Variants in BRINP1 observed in about 807,000 individuals in gnomAD.
BRINP1 encodes the protein BMP/retinoic acid inducible neural specific 1.
Under a neutral mutation model 72.9 loss-of-function variants are expected in BRINP1, and 17 were observed. That is an observed-to-expected ratio of 0.23 (90% confidence interval 0.16 to 0.35). BRINP1 has a LOEUF of 0.35. Among genes scored for constraint, BRINP1 ranks in the 10% least tolerant of loss-of-function variants. The pLI is 1.00. For missense variants in BRINP1, 850 were observed against 1,001.6 expected, an observed-to-expected ratio of 0.85 and a Z score of 2.04; for synonymous variants, 418 against 378.5, an observed-to-expected ratio of 1.10 and a Z score of -1.21.
At chr9:119,211,523 C>T (rs1476236104) in intron 6 of BRINP1, among the ~76,000 whole-genome samples, 1 of 151,974 alleles carries the variant, frequency 6.6e-6, no homozygotes, top group Non-Finnish European at 1.5e-5. Flanking sequence ...AGTAGAAGTA[C>T]TACAACGAAT....
rs557265377 is a variant in BRINP1, at chr9:119,229,618, G to T, written c.685+9037C>A. On this transcript the variant is annotated intron_variant, in intron 5 of 7. Coordinates refer to ENST00000265922, the MANE Select transcript of BRINP1 (RefSeq NM_014618.3). Reference sequence around the variant, plus strand: ...CTTCTCAGAAGAGGTGGCATTTGGAGAATTCAATGGTATGACCCTTCCTGG... The same window carrying T: ...CTTCTCAGAAGAGGTGGCATTTGGATAATTCAATGGTATGACCCTTCCTGG... 4.6e-5 allele frequency among the ~76,000 whole-genome samples: 7 copies of T among 152,228 alleles called. 1 individual carries two copies. The highest frequency in any genetic ancestry group is 4.1e-4 in the South Asian group (2 of 4,832).
chr9:119,355,524 T>G (rs140844785), intron 1 of BRINP1, among the ~76,000 whole-genome samples: 1 of 151,942 alleles, frequency 6.6e-6, no homozygotes, highest in Non-Finnish European at 1.5e-5. Context: ...GTCAGGAGAT[T>G]GAGACCATCC....
chr9:119,251,779 C>A (rs1830391581), intron 2 of BRINP1, among the ~76,000 whole-genome samples: 1 of 152,130 alleles, frequency 6.6e-6, no homozygotes, highest in African/African-American at 2.4e-5. Flanking sequence ...AAGACCTTGA[C>A]AGCCAGCTGA....
At chr9:119,178,086 T>C (rs1342892225) in intron 7 of BRINP1, among the ~76,000 whole-genome samples, 1 of 152,044 alleles carries the variant, frequency 6.6e-6, no homozygotes, top group Non-Finnish European at 1.5e-5. Flanking sequence ...ACACAGGCTA[T>C]GGAGGAGACC....
chr9:119,213,893 C>T (rs371579502), intron 6 of BRINP1, 26 bp downstream of exon 6: 116 of 1,566,240 alleles, frequency 7.4e-5, no homozygotes, highest in Non-Finnish European at 9.8e-5. Context: ...GCCACTCATG[C>T]AGTGGCACTG....
intron 7 of BRINP1, among the ~76,000 whole-genome samples, chr9:119,181,508 C>T (rs1375098830): frequency 2.0e-5 from 3 of 152,164 alleles, no homozygotes; most frequent in African/African-American, 7.2e-5. Context: ...CTACTTTTCA[C>T]TTTGTCTTAA....
intron 1 of BRINP1, among the ~76,000 whole-genome samples, chr9:119,328,562 G>T (rs1226970269): frequency 6.6e-6 from 1 of 152,160 alleles, no homozygotes; most frequent in Non-Finnish European, 1.5e-5. Flanking sequence ...TGAGAGAGTG[G>T]AATGGAGTCT....
intron 7 of BRINP1, among the ~76,000 whole-genome samples, chr9:119,205,596 C>T (rs1255487351): frequency 3.9e-5 from 6 of 152,170 alleles, no homozygotes; most frequent in African/African-American, 1.4e-4. Context: ...TGACTTTTCC[C>T]AGTGTTACTC....
chr9:119,340,448 G>A (rs948239541), intron 1 of BRINP1, among the ~76,000 whole-genome samples: 1 of 151,972 alleles, frequency 6.6e-6, no homozygotes, highest in Non-Finnish European at 1.5e-5. Context: ...GTGTGACAGT[G>A]AGTCCCACCC....
At chr9:119,260,305 G>A (rs550356563) in intron 2 of BRINP1, among the ~76,000 whole-genome samples, 2 of 152,310 alleles carry the variant, frequency 1.3e-5, no homozygotes, top group African/African-American at 2.4e-5. Context: ...TTTATGTGCT[G>A]TATATTCTGT....
At chr9:119,185,617 G>A (rs1333072214) in intron 7 of BRINP1, among the ~76,000 whole-genome samples, 1 of 152,190 alleles carries the variant, frequency 6.6e-6, no homozygotes, top group Non-Finnish European at 1.5e-5. Flanking sequence ...AGGGGGTGGT[G>A]AAAACCCTGT....
At chr9:119,334,901 C>T (rs1379532699) in intron 1 of BRINP1, among the ~76,000 whole-genome samples, 2 of 152,052 alleles carry the variant, frequency 1.3e-5, no homozygotes, top group Non-Finnish European at 2.9e-5. Context: ...TTTGATTTGT[C>T]TAAGCCTTAG....
At chr9:119,174,574 C>A (rs1417170587) in intron 7 of BRINP1, among the ~76,000 whole-genome samples, 1 of 134,328 alleles carries the variant, frequency 7.4e-6, no homozygotes, top group African/African-American at 3.4e-5. Context: ...CCTCAGGGAT[C>A]TAGAACTAGA....
intron 5 of BRINP1, among the ~76,000 whole-genome samples, chr9:119,232,237 C>G (rs1259306254): frequency 2.0e-5 from 3 of 152,138 alleles, no homozygotes; most frequent in Non-Finnish European, 2.9e-5. Context: ...TCCATAAATT[C>G]AGTCACCTCT....
intron 7 of BRINP1, among the ~76,000 whole-genome samples, chr9:119,206,419 CA>C (rs56106482): frequency 0.016 from 1,397 of 86,960 alleles, 8 homozygotes; most frequent in African/African-American, 0.043. Flanking sequence ...GACTCCATCT[CA>C]AAAAAAAAAA....
chr9:119,347,532 G>C (rs999577290), intron 1 of BRINP1, among the ~76,000 whole-genome samples: 3 of 151,922 alleles, frequency 2.0e-5, no homozygotes, highest in African/African-American at 7.3e-5. Context: ...TATTATTATT[G>C]AAATCAATCA....
At chr9:119,266,914 G>A (rs968400364) in intron 2 of BRINP1, among the ~76,000 whole-genome samples, 3 of 152,206 alleles carry the variant, frequency 2.0e-5, no homozygotes, top group African/African-American at 7.2e-5. Flanking sequence ...TTTATAATGT[G>A]CCAGAATCTG....
chr9:119,304,531 C>A (rs1830974969), intron 2 of BRINP1, among the ~76,000 whole-genome samples: 1 of 152,162 alleles, frequency 6.6e-6, no homozygotes, highest in South Asian at 2.1e-4. Context: ...ATTCTTGTGC[C>A]CAGGAGGAAG....
intron 1 of BRINP1, among the ~76,000 whole-genome samples, chr9:119,352,017 C>G (rs1831512328): frequency 6.6e-6 from 1 of 151,952 alleles, no homozygotes; most frequent in South Asian, 2.1e-4. Flanking sequence ...AGGCTGGTCT[C>G]GAACTCCCGA....
Sources: gnomAD v4.1 joint callset for allele counts (sites outside exome capture counted in the v4.1 genomes callset) on GRCh38, gnomAD v4.1.1 for gene constraint, MANE v1.5 for transcripts, NCBI Gene and HGNC (gene_info 2026-07-23, HGNC 2026-07-21) for gene names.